Variants in TSPAN5 observed in about 807,000 individuals in gnomAD.
The protein encoded by TSPAN5 is tetraspanin-5.
Under a neutral mutation model 37.1 loss-of-function variants are expected in TSPAN5, and 10 were observed. The observed-to-expected ratio is 0.27, with a 90% CI of 0.17 to 0.46. The LOEUF (loss-of-function observed/expected upper bound fraction) is 0.46. Ranked by LOEUF, TSPAN5 falls within the 20% of genes least tolerant of loss-of-function variation. TSPAN5 has a pLI of 1.00. For synonymous variants in TSPAN5, 110 were observed against 118.9 expected, an observed-to-expected ratio of 0.93 and a Z score of 0.48; for missense variants, 195 against 326.6, an observed-to-expected ratio of 0.60 and a Z score of 3.11.
chr4:98,656,142 A>G (rs1357370123), intron 1 of TSPAN5, among the ~76,000 whole-genome samples: 1 of 152,194 alleles, frequency 6.6e-6, no homozygotes, highest in Non-Finnish European at 1.5e-5. Context: ...TCTCCAAGCA[A>G]GCACTCTGCA....
At chr4:98,490,076 T>C (rs1753052317) in intron 2 of TSPAN5, among the ~76,000 whole-genome samples, 1 of 152,216 alleles carries the variant, frequency 6.6e-6, no homozygotes. Context: ...TTAGGATTCC[T>C]TTCAACTTTG....
chr4:98,609,847 T>C (rs1756139549), intron 1 of TSPAN5, among the ~76,000 whole-genome samples: 1 of 152,098 alleles, frequency 6.6e-6, no homozygotes, highest in Admixed American at 6.5e-5. Flanking sequence ...TGACGGACAG[T>C]GAGTTGAAGG....
At chr4:98,518,376 A>G (rs1267681743) in intron 1 of TSPAN5, among the ~76,000 whole-genome samples, 2 of 152,198 alleles carry the variant, frequency 1.3e-5, no homozygotes, top group Non-Finnish European at 2.9e-5. Context: ...AAAATGAATG[A>G]TATCTTTTCT....
chr4:98,604,947 C>A (rs1755970138), intron 1 of TSPAN5, among the ~76,000 whole-genome samples: 1 of 152,206 alleles, frequency 6.6e-6, no homozygotes. Flanking sequence ...TTCACTCTTA[C>A]AACATCCAAC....
chr4:98,564,976 C>T (rs924378489), intron 1 of TSPAN5, among the ~76,000 whole-genome samples: 1 of 152,158 alleles, frequency 6.6e-6, no homozygotes, highest in Non-Finnish European at 1.5e-5. Context: ...TGTCCTCACC[C>T]TGAGTGTTAA....
chr4:98,557,832 C>A (rs1211076409), intron 1 of TSPAN5, among the ~76,000 whole-genome samples: 1 of 152,170 alleles, frequency 6.6e-6, no homozygotes, highest in East Asian at 1.9e-4. Context: ...TTCCCCTAGT[C>A]TAATCATGAG....
At chr4:98,520,138 G>C (rs1345692292) in intron 1 of TSPAN5, among the ~76,000 whole-genome samples, 1 of 152,030 alleles carries the variant, frequency 6.6e-6, no homozygotes, top group Non-Finnish European at 1.5e-5. Context: ...GTACAGAGGG[G>C]ACCAAAAGGG....
At chr4:98,481,596 AGATT>A (rs1404198494) in intron 4 of TSPAN5, among the ~76,000 whole-genome samples, 1 of 152,228 alleles carries the variant, frequency 6.6e-6, no homozygotes, top group Non-Finnish European at 1.5e-5. Context: ...GTTGATAAGT[AGATT>A]ATTATGAGCT....
chr4:98,606,585 T>C (rs1198592103), intron 1 of TSPAN5, among the ~76,000 whole-genome samples: 2 of 152,214 alleles, frequency 1.3e-5, no homozygotes, highest in African/African-American at 2.4e-5. Flanking sequence ...CTTTGAAGTA[T>C]TTATGTATTA....
At chr4:98,506,686 T>C (rs1247739998) in intron 2 of TSPAN5, among the ~76,000 whole-genome samples, 1 of 152,172 alleles carries the variant, frequency 6.6e-6, no homozygotes, top group Non-Finnish European at 1.5e-5. Flanking sequence ...GGCTAGAGGG[T>C]GAAACACCTA....
chr4:98,478,480 A>G (rs1213690033), intron 5 of TSPAN5, among the ~76,000 whole-genome samples: 1 of 152,244 alleles, frequency 6.6e-6, no homozygotes, highest in African/African-American at 2.4e-5. Flanking sequence ...AAGGCTTAGA[A>G]TAGGAACCAG....
chr4:98,636,989 T>G (rs1756869820), intron 1 of TSPAN5, among the ~76,000 whole-genome samples: 2 of 152,158 alleles, frequency 1.3e-5, no homozygotes, highest in African/African-American at 4.8e-5. Context: ...AAGCACCTGA[T>G]GAGCAGTCCT....
At chr4:98,510,595 T>C (rs187044934) in intron 1 of TSPAN5, among the ~76,000 whole-genome samples, 8 of 152,274 alleles carry the variant, frequency 5.3e-5, no homozygotes, top group Admixed American at 4.6e-4. Context: ...TCACGAGCCA[T>C]ATAAATAGCT....
intron 1 of TSPAN5, among the ~76,000 whole-genome samples, chr4:98,598,204 G>A (rs1407854758): frequency 7.1e-6 from 1 of 140,712 alleles, no homozygotes; most frequent in East Asian, 2.1e-4. Context: ...GATTTTCCAG[G>A]TGCGTCCGTC....
intron 1 of TSPAN5, among the ~76,000 whole-genome samples, chr4:98,636,832 T>C (rs1429291834): frequency 6.6e-6 from 1 of 152,196 alleles, no homozygotes; most frequent in Non-Finnish European, 1.5e-5. Context: ...TTCTTTAACA[T>C]AAGTGAACAA....
chr4:98,657,652 G>C (rs1298431292), intron 1 of TSPAN5: 1 of 193,242 alleles, frequency 5.2e-6, no homozygotes, highest in Non-Finnish European at 1.0e-5. Flanking sequence ...GATGGTGCAA[G>C]AAGATACACG....
intron 1 of TSPAN5, among the ~76,000 whole-genome samples, chr4:98,566,478 T>A (rs565929243): frequency 7.9e-5 from 12 of 152,138 alleles, no homozygotes; most frequent in African/African-American, 2.9e-4. Flanking sequence ...ACCTCGAGAA[T>A]AATACCAAAG....
chr4:98,647,109 C>CA (rs1390218119), intron 1 of TSPAN5, among the ~76,000 whole-genome samples: 1 of 152,156 alleles, frequency 6.6e-6, no homozygotes, highest in Non-Finnish European at 1.5e-5. Flanking sequence ...GCCCTCCCAC[C>CA]ACAAGGGTAC....
intron 1 of TSPAN5, among the ~76,000 whole-genome samples, chr4:98,636,985 C>T (rs1189948226): frequency 1.3e-5 from 2 of 152,108 alleles, no homozygotes; most frequent in Non-Finnish European, 2.9e-5. Flanking sequence ...ACCAAAGCAC[C>T]TGATGAGCAG....
Sources: allele counts gnomAD v4.1 joint callset (sites outside exome capture counted in the v4.1 genomes callset), GRCh38; gene constraint gnomAD v4.1.1; transcripts MANE v1.5; gene names NCBI Gene and HGNC (gene_info 2026-07-23, HGNC 2026-07-21).